NUDT12: variants seen among roughly 807,000 people sequenced by gnomAD.
The protein encoded by NUDT12 is NAD-capped RNA hydrolase NUDT12.
In NUDT12, 42 loss-of-function variants were observed where a neutral mutation model predicts 45.7. The ratio of observed to expected loss-of-function variants is 0.92; its 90% CI spans 0.72 to 1.19. NUDT12 has a LOEUF of 1.19. Among genes scored for constraint, NUDT12 ranks in the 50% most tolerant of loss-of-function variants. NUDT12 has a pLI of 0.00. For missense variants in NUDT12, 590 were observed against 533.1 expected (o/e 1.11, Z -1.05); for synonymous variants, 206 against 179.7 (o/e 1.15, Z -1.17).
At position 103,558,921 on chromosome 5, in the gene NUDT12, G is replaced by A; in HGVS notation, c.754C>T (p.Pro252Ser). The change falls in exon 3 of 7, where the codon CCT becomes TCT. Residue 252 changes from proline to serine, a missense_variant. By Grantham distance (74) the Pro-to-Ser change is moderately conservative. Coordinates refer to ENST00000230792, the MANE Select transcript of NUDT12 (RefSeq NM_031438.4). ...AATTGCAGAAGGGCTGGCATAGGAG[G>A]ATGAAGAAAGTAACAATTTTCATGT... ...QRHENCYFLH[P>S]PMPALLQLKE... 1 of 1,607,472 alleles carries A rather than the reference G, an allele frequency of 6.2e-7. No homozygotes were observed. The highest frequency in any genetic ancestry group is 8.5e-7 in the Non-Finnish European group (1 of 1,177,378).
At chr5:103,558,729 G>A (rs977190118) in intron 3 of NUDT12, 150 bp downstream of exon 3, 1 of 570,718 alleles carries the variant, frequency 1.8e-6, no homozygotes, top group Non-Finnish European at 3.1e-6. Context: ...TAGTCCCCTA[G>A]GGTGAGAACT....
Position 103,559,245 on chromosome 5 carries a change from T to C in NUDT12, c.430A>G (p.Ser144Gly). 6.3e-7 allele frequency: 1 copy of C among 1,581,636 alleles called. No homozygotes were observed. Among genetic ancestry groups the C allele is most frequent in the South Asian group, 1.2e-5 (1 of 84,742 alleles). Residue 144 changes from serine (S) to glycine (G), a missense_variant, in exon 3 of 7, where the codon AGC (serine) becomes GGC (glycine). Physicochemically the swap from Ser to Gly is moderately conservative, Grantham distance 56. Transcript: ENST00000230792. ...AGAATAAAAACTGTGGCTGGATGGCTTTCTTTAGCTAGCAGCCAGTCAGAA... is the reference window on the plus strand; with the variant it reads ...AGAATAAAAACTGTGGCTGGATGGCCTTCTTTAGCTAGCAGCCAGTCAGAA... ...NNSDWLLAKE[S>G]HPATVFILFS...
At chr5:103,559,963 C>T in intron 2 of NUDT12, 80 bp downstream of exon 2, 1 of 1,002,806 alleles carries the variant, frequency 1.0e-6, no homozygotes. Context: ...AATATGGAAA[C>T]AAGCAAAATT....
rs904595784 is a variant in NUDT12 at position 103,552,593 on chromosome 5, C to T, written c.1079-177G>A. On this transcript the variant is annotated intron_variant, in intron 5 of 6. Transcript: ENST00000230792. ...AAAACAATTTTTTTAAAGTACATGACCACATATAGAATATCAAAATGCCAA... is the reference window on the plus strand; with the variant it reads ...AAAACAATTTTTTTAAAGTACATGATCACATATAGAATATCAAAATGCCAA... 3.3e-5 allele frequency among the ~76,000 whole-genome samples: 5 copies of T among 152,194 alleles called. No individual in the cohort carries two copies. The South Asian group carries it at 1.0e-3, about 32-fold the overall frequency.
chr5:103,554,848 C>A lies in NUDT12; in HGVS notation c.970G>T (p.Val324Leu). Residue 324 changes from valine to leucine, a missense_variant, in exon 5 of 7, where the codon GTA becomes TTA. Val to Leu is a conservative substitution (Grantham distance 32, BLOSUM62 1). Transcript: ENST00000230792. ...GGATGAATAACTTGCATGATTACTA[C>A]TGGATCTGTTGAAAAAAAAAATCAG... ...HNTSYPRVDP[V>L]VIMQVIHPDG... The A allele has an allele frequency of 7.0e-7, 1 of 1,436,016 alleles. No homozygotes were observed. The highest frequency in any genetic ancestry group is 1.3e-5 in the South Asian group (1 of 75,872). The allele number at this position is 1,436,016 out of a possible 1,614,324, so 89.0% of individuals were successfully genotyped here. A position where few individuals can be genotyped will look rare whatever the true frequency, so the allele number is the denominator to read the frequency against.
At chr5:103,561,431 G>C (rs1410675152) in intron 1 of NUDT12, among the ~76,000 whole-genome samples, 1 of 152,042 alleles carries the variant, frequency 6.6e-6, no homozygotes, top group African/African-American at 2.4e-5. Flanking sequence ...CTTATAAATA[G>C]GTTAAAACTG....
intron 3 of NUDT12, among the ~76,000 whole-genome samples, chr5:103,557,845 C>T (rs1184631587): frequency 6.6e-6 from 1 of 151,880 alleles, no homozygotes; most frequent in Non-Finnish European, 1.5e-5. Context: ...CAAGTAATCT[C>T]AGTAGTTTTT....
At chr5:103,551,246 A>G (rs1748646137) in intron 6 of NUDT12, among the ~76,000 whole-genome samples, 1 of 151,758 alleles carries the variant, frequency 6.6e-6, no homozygotes. Context: ...ACAGCCTCCC[A>G]AGTAGCTGGT....
intron 2 of NUDT12, 124 bp from the exon 3 acceptor site, chr5:103,559,592 AT>A (rs978813743): frequency 9.5e-6 from 5 of 524,178 alleles, no homozygotes; most frequent in East Asian, 3.4e-5. Flanking sequence ...GATTACATAG[AT>A]TTTTTTTCTT....
In NUDT12 at chr5:103,559,104, G is replaced by T; in HGVS notation, c.571C>A (p.Pro191Thr). The change falls in exon 3 of 7, where the codon CCT (proline) becomes ACT (threonine). Residue 191 changes from proline to threonine, a missense_variant. Physicochemically the swap from Pro to Thr is conservative, Grantham distance 38. Coordinates refer to ENST00000230792, the MANE Select transcript of NUDT12 (RefSeq NM_031438.4). ...AGAAAAATCAAGGTGATCTTCTCAG[G>T]CTGGGCCAAATAATCCTTTATATCT... ...YTDIKDYLAQ[P>T]EKITLIFLGV... The T allele has an allele frequency of 6.2e-7, 1 of 1,610,458 alleles. No individual in the cohort carries two copies. The highest frequency in any genetic ancestry group is 8.5e-7 in the Non-Finnish European group (1 of 1,178,420).
intron 5 of NUDT12, among the ~76,000 whole-genome samples, 200 bp from the exon 6 acceptor site, chr5:103,552,616 C>T (rs1748692306): frequency 1.3e-5 from 2 of 151,982 alleles, no homozygotes; most frequent in African/African-American, 4.8e-5. Flanking sequence ...ATCAAAATGC[C>T]AACAATAAAC....
intron 3 of NUDT12, 35 bp downstream of exon 3, chr5:103,558,844 G>C: frequency 6.9e-7 from 1 of 1,452,182 alleles, no homozygotes; most frequent in Non-Finnish European, 9.2e-7. Flanking sequence ...CTAAAAACCA[G>C]ATTTTACCAA....
At chr5:103,561,922 A>G (rs1749045644) in intron 1 of NUDT12, among the ~76,000 whole-genome samples, 1 of 152,180 alleles carries the variant, frequency 6.6e-6, no homozygotes, top group Non-Finnish European at 1.5e-5. Flanking sequence ...GAAAGTGTAC[A>G]CTTTTCCCTC....
At chr5:103,561,241 G>C (rs1241726038) in intron 1 of NUDT12, among the ~76,000 whole-genome samples, 2 of 152,052 alleles carry the variant, frequency 1.3e-5, no homozygotes, top group Non-Finnish European at 2.9e-5. Flanking sequence ...AAGCTAAAAA[G>C]ACAGAAAGGT....
At position 103,554,824 on chromosome 5, in the gene NUDT12, G is replaced by A; in HGVS notation, c.994C>T (p.Pro332Ser). 1 of 1,552,112 alleles carries A rather than the reference G, an allele frequency of 6.4e-7. No individual in the cohort carries two copies. Among genetic ancestry groups the A allele is most frequent in the Non-Finnish European group, 8.8e-7 (1 of 1,141,668 alleles). The change falls in exon 5 of 7, where the codon CCA becomes TCA. Residue 332 changes from proline (P) to serine (S), a missense_variant. Physicochemically the swap from Pro to Ser is moderately conservative, Grantham distance 74. Coordinates refer to ENST00000230792, the MANE Select transcript of NUDT12 (RefSeq NM_031438.4). ...DPVVIMQVIH[P>S]DGTKCLLGRQ... ...CCTAAAAGGCATTTGGTCCCATCTG[G>A]ATGAATAACTTGCATGATTACTACT... is the stretch of plus-strand genomic sequence containing the variant.
At chr5:103,557,303 A>ATG (rs1491028597) in intron 3 of NUDT12, among the ~76,000 whole-genome samples, 1 of 140,468 alleles carries the variant, frequency 7.1e-6, no homozygotes, top group Non-Finnish European at 1.6e-5. Flanking sequence ...ATATATATAT[A>ATG]TGTCTAAAGA....
At chr5:103,552,746 T>C (rs1359022665) in intron 5 of NUDT12, among the ~76,000 whole-genome samples, 2 of 152,156 alleles carry the variant, frequency 1.3e-5, no homozygotes, top group Non-Finnish European at 2.9e-5. Context: ...TCTTATCTCA[T>C]GTATATATTG....
In NUDT12 at chr5:103,559,255, T is replaced by C. The variant is rs759581867; in HGVS notation, c.420A>G (p.Leu140=). 3.1e-6 allele frequency: 5 copies of C among 1,590,860 alleles called. No individual in the cohort carries two copies. Among genetic ancestry groups the C allele is most frequent in the Non-Finnish European group, 3.4e-6 (4 of 1,170,474 alleles). The change falls in exon 3 of 7, where the codon CTA becomes CTG. Residue 140 remains leucine (L), a synonymous_variant. Transcript: ENST00000230792. The part of the protein sequence containing the change: ...SEKRNNSDWL[L]AKESHPATVF... ...CTGTGGCTGGATGGCTTTCTTTAGC[T>C]AGCAGCCAGTCAGAATTATTTCTCT...
rs758661440 is a variant in NUDT12, at chr5:103,560,259, AAAG to A, written c.-6-8_-6-6del. ...TTTTACAGAAGACATTTCTTCCTTA[AAAG>A]AAGGAAAATCAGGGGAAAAAGCTTA... On this transcript the variant is annotated splice_polypyrimidine_tract_variant and splice_region_variant and intron_variant, in intron 1 of 6. Transcript: ENST00000230792. 6.3e-7 allele frequency: 1 copy of A among 1,593,888 alleles called. No individual in the cohort carries two copies. Among genetic ancestry groups the A allele is most frequent in the Admixed American group, 1.7e-5 (1 of 59,790 alleles).
Sources: gnomAD v4.1 joint callset for allele counts (sites outside exome capture counted in the v4.1 genomes callset) on GRCh38, gnomAD v4.1.1 for gene constraint, MANE v1.5 for transcripts, NCBI Gene and HGNC (gene_info 2026-07-23, HGNC 2026-07-21) for gene names.